NTRK2: variants seen among roughly 807,000 people sequenced by gnomAD.
The protein encoded by NTRK2 is neurotrophic receptor tyrosine kinase 2.
NTRK2 carries 13 observed loss-of-function variants against 94.5 expected under a neutral mutation model. The ratio of observed to expected loss-of-function variants is 0.14; its 90% CI spans 0.09 to 0.22. The LOEUF (loss-of-function observed/expected upper bound fraction) is 0.22, where lower values mean the gene tolerates loss of function less well. Ranked by LOEUF, NTRK2 falls within the 10% of genes least tolerant of loss-of-function variation. The pLI, the probability that NTRK2 is intolerant of heterozygous loss-of-function variation, is 1.00. For synonymous variants in NTRK2, 372 were observed against 407.4 expected (o/e 0.91, Z 1.05); for missense variants, 639 against 1,071.2 (o/e 0.60, Z 5.63).
chr9:84,907,373 A>C (rs2077102414), intron 14 of NTRK2, among the ~76,000 whole-genome samples: 1 of 152,238 alleles, frequency 6.6e-6, no homozygotes, highest in Non-Finnish European at 1.5e-5. Context: ...AATGAACTGA[A>C]AGATGTGTTG....
At chr9:84,973,416 A>C (rs759796361) in intron 17 of NTRK2, among the ~76,000 whole-genome samples, 9 of 152,124 alleles carry the variant, frequency 5.9e-5, no homozygotes, top group African/African-American at 1.2e-4. Context: ...CAGAACACCT[A>C]ATGTGTCCTC....
intron 2 of NTRK2, among the ~76,000 whole-genome samples, chr9:84,685,356 C>G (rs963663596): frequency 2.0e-5 from 3 of 148,868 alleles, no homozygotes; most frequent in Admixed American, 6.6e-5. Context: ...TTATCTCCCA[C>G]AGCTTCTTCT....
intron 12 of NTRK2, chr9:84,813,018 C>T (rs2071985659): frequency 1.9e-6 from 2 of 1,036,002 alleles, no homozygotes; most frequent in African/African-American, 1.7e-5. Context: ...TCTAGACCAC[C>T]CCTTTTCATC....
intron 15 of NTRK2, among the ~76,000 whole-genome samples, chr9:84,938,704 T>A (rs2078293193): frequency 6.6e-6 from 1 of 151,920 alleles, no homozygotes; most frequent in African/African-American, 2.4e-5. Flanking sequence ...AAGGGATGGA[T>A]GGGTGGGTGC....
At position 84,869,076 on chromosome 9, in the gene NTRK2, A is replaced by C. The variant is rs538100246; in HGVS notation, c.1633+1645A>C. 4.6e-5 allele frequency among the ~76,000 whole-genome samples: 7 copies of C among 152,342 alleles called. No individual in the cohort carries two copies. The East Asian group carries it at 1.3e-3, about 29-fold the overall frequency. On this transcript the variant is annotated intron_variant, in intron 14 of 18. Coordinates refer to ENST00000277120, the MANE Select transcript of NTRK2 (RefSeq NM_006180.6). The stretch of plus-strand genomic sequence containing the variant: ...GAGCAAGAGAGCAAACAAACAAAAT[A>C]ACAAATGAGATCCTCTAGTCAAAAG...
At position 84,813,856 on chromosome 9, in the gene NTRK2, T is replaced by C; in HGVS notation, c.1397-47184T>C. 7 of 1,065,746 alleles carry C rather than the reference T, an allele frequency of 6.6e-6. No individual in the cohort carries two copies. The South Asian group carries it at 2.3e-4, about 35-fold the overall frequency. The allele number at this position is 1,065,746 out of a possible 1,614,324, so 66.0% of individuals were successfully genotyped here. A position where few individuals can be genotyped will look rare whatever the true frequency, so the allele number is the denominator to read the frequency against. On this transcript the variant is annotated intron_variant, in intron 12 of 18. Transcript: ENST00000277120. ...ATTTTCATGGGTGCCCTTAATGTGG[T>C]CCACGTCCTATATCTTATTATATTT...
At chr9:84,890,299 C>A (rs904156513) in intron 14 of NTRK2, among the ~76,000 whole-genome samples, 5 of 152,182 alleles carry the variant, frequency 3.3e-5, no homozygotes, top group Non-Finnish European at 7.3e-5. Context: ...TGTGACTGAT[C>A]AGTGCTAATG....
At chr9:84,940,796 C>G (rs1242548533) in intron 15 of NTRK2, among the ~76,000 whole-genome samples, 1 of 151,578 alleles carries the variant, frequency 6.6e-6, no homozygotes, top group East Asian at 1.9e-4. Context: ...GTGCTCTACC[C>G]AGGTAAGGTT....
At chr9:84,813,739 T>G in intron 12 of NTRK2, 1 of 1,066,170 alleles carries the variant, frequency 9.4e-7, no homozygotes, top group African/African-American at 1.6e-5. Flanking sequence ...TCCTTCCTCC[T>G]ATTATATCTG....
intron 12 of NTRK2, among the ~76,000 whole-genome samples, chr9:84,816,910 A>G (rs1471370863): frequency 6.6e-6 from 1 of 152,048 alleles, no homozygotes; most frequent in Non-Finnish European, 1.5e-5. Flanking sequence ...AGGTCATATG[A>G]TAATTTGGAG....
At chr9:84,791,549 C>T (rs2068737187) in intron 12 of NTRK2, among the ~76,000 whole-genome samples, 1 of 152,164 alleles carries the variant, frequency 6.6e-6, no homozygotes, top group Non-Finnish European at 1.5e-5. Context: ...GGGGCACAGA[C>T]ACCCTGAAAA....
intron 14 of NTRK2, among the ~76,000 whole-genome samples, chr9:84,906,755 G>A (rs1041819781): frequency 2.6e-5 from 4 of 152,168 alleles, no homozygotes; most frequent in Non-Finnish European, 5.9e-5. Context: ...TCTGGGACTG[G>A]CAGGGCTGTA....
chr9:84,812,671 A>G (rs2071938043), intron 12 of NTRK2: 1 of 1,043,378 alleles, frequency 9.6e-7, no homozygotes, highest in African/African-American at 1.7e-5. Context: ...TTGGTACAAA[A>G]AAGATTTTTA....
At chr9:84,826,732 C>A (rs2073215361) in intron 12 of NTRK2, among the ~76,000 whole-genome samples, 1 of 152,160 alleles carries the variant, frequency 6.6e-6, no homozygotes, top group Non-Finnish European at 1.5e-5. Context: ...AATAAGTTAA[C>A]AATGCATGTA....
rs1378178238 is a variant in NTRK2, at chr9:84,766,543, A to T, written c.1396+14458A>T. On this transcript the variant is annotated intron_variant, in intron 12 of 18. Coordinates refer to ENST00000277120, the MANE Select transcript of NTRK2 (RefSeq NM_006180.6). ...ATTTCTTATACTGAAGCATGACTGA[A>T]GGGAAAGATATCTCATGCGGGGAGA... Among the ~76,000 whole-genome samples, 3 of 152,238 alleles carry T rather than the reference A, an allele frequency of 2.0e-5. No individual in the cohort carries two copies. The East Asian group carries it at 5.8e-4, about 29-fold the overall frequency.
intron 12 of NTRK2, among the ~76,000 whole-genome samples, chr9:84,854,746 A>T (rs1249189179): frequency 6.6e-6 from 1 of 152,108 alleles, no homozygotes; most frequent in East Asian, 1.9e-4. Flanking sequence ...CAGGAGTTCA[A>T]GACCAGCCTG....
intron 17 of NTRK2, among the ~76,000 whole-genome samples, chr9:85,006,353 G>A (rs775081051): frequency 3.3e-5 from 5 of 152,152 alleles, no homozygotes; most frequent in Admixed American, 3.3e-4. Context: ...CTGGTTTGGG[G>A]AAGTTAGACC....
intron 12 of NTRK2, among the ~76,000 whole-genome samples, chr9:84,807,501 A>C (rs182982113): frequency 6.6e-6 from 1 of 152,186 alleles, no homozygotes; most frequent in East Asian, 1.9e-4. Flanking sequence ...AAGTTTCTCT[A>C]AAGTTGTTTT....
intron 9 of NTRK2, among the ~76,000 whole-genome samples, chr9:84,735,545 C>T (rs1456506705): frequency 6.6e-6 from 1 of 152,152 alleles, no homozygotes; most frequent in Non-Finnish European, 1.5e-5. Context: ...ATAGTAATAA[C>T]AATACAAATA....
Sources: gnomAD v4.1 joint callset for allele counts (sites outside exome capture counted in the v4.1 genomes callset) on GRCh38, gnomAD v4.1.1 for gene constraint, MANE v1.5 for transcripts, NCBI Gene and HGNC (gene_info 2026-07-23, HGNC 2026-07-21) for gene names.